EYS: variants seen among roughly 807,000 people sequenced by gnomAD.
EYS encodes protein eyes shut homolog.
A neutral mutation model predicts 282.1 loss-of-function variants in EYS; 250 were observed. The ratio of observed to expected loss-of-function variants is 0.89; its 90% CI spans 0.80 to 0.98. EYS has a LOEUF of 0.98. EYS is among the 50% of genes least tolerant of loss of function. The pLI, the probability that EYS is intolerant of heterozygous loss-of-function variation, is 0.00. For synonymous variants in EYS, 1,355 were observed against 1,282.9 expected, an observed-to-expected ratio of 1.06 and a Z score of -1.20; for missense variants, 4,016 against 3,709.0, an observed-to-expected ratio of 1.08 and a Z score of -2.15.
intron 13 of EYS, among the ~76,000 whole-genome samples, chr6:65,032,215 G>T (rs1190870082): frequency 6.6e-6 from 1 of 152,128 alleles, no homozygotes; most frequent in Non-Finnish European, 1.5e-5. Flanking sequence ...CTTGAACAGA[G>T]TAATAATAAT....
chr6:65,147,570 T>A (rs1255298442), intron 12 of EYS, among the ~76,000 whole-genome samples: 1 of 152,090 alleles, frequency 6.6e-6, no homozygotes, highest in Non-Finnish European at 1.5e-5. Flanking sequence ...CCTTTAATTC[T>A]AAATCTAATC....
chr6:65,112,342 A>G (rs936775977), intron 12 of EYS, among the ~76,000 whole-genome samples: 1 of 152,118 alleles, frequency 6.6e-6, no homozygotes, highest in African/African-American at 2.4e-5. Flanking sequence ...ACTTTCTCAA[A>G]TCTCATGGCT....
chr6:65,317,825 C>CTTT (rs1769342463), intron 11 of EYS, among the ~76,000 whole-genome samples: 5 of 81,288 alleles, frequency 6.2e-5, no homozygotes, highest in African/African-American at 1.0e-4. Context: ...TTCCTTCCTT[C>CTTT]CTTTCTTTCT....
At chr6:64,179,727 C>T (rs1364231796) in intron 31 of EYS, among the ~76,000 whole-genome samples, 1 of 152,054 alleles carries the variant, frequency 6.6e-6, no homozygotes, top group African/African-American at 2.4e-5. Context: ...TTCCTATACA[C>T]TTCATTTACA....
intron 33 of EYS, among the ~76,000 whole-genome samples, chr6:64,010,485 C>T (rs906411314): frequency 2.6e-5 from 4 of 151,834 alleles, no homozygotes; most frequent in Non-Finnish European, 5.9e-5. Context: ...TTCATTTATG[C>T]TTTCTAGTGT....
At chr6:64,719,347 A>T (rs1193305955) in intron 22 of EYS, among the ~76,000 whole-genome samples, 1 of 152,166 alleles carries the variant, frequency 6.6e-6, no homozygotes, top group East Asian at 1.9e-4. Context: ...TGGGTAATTT[A>T]TTATGGGAAC....
intron 26 of EYS, among the ~76,000 whole-genome samples, chr6:64,506,789 G>A (rs1351516355): frequency 6.6e-6 from 1 of 151,584 alleles, no homozygotes; most frequent in African/African-American, 2.4e-5. Context: ...AGCGGCTGTA[G>A]TCCCAGCTAC....
intron 5 of EYS, among the ~76,000 whole-genome samples, chr6:65,414,733 A>G (rs927065174): frequency 6.6e-6 from 1 of 152,108 alleles, no homozygotes; most frequent in Non-Finnish European, 1.5e-5. Flanking sequence ...TAGGCAGTTA[A>G]TTAGAGTGAT....
chr6:64,384,067 C>A (rs757462082), intron 29 of EYS, among the ~76,000 whole-genome samples: 1 of 152,104 alleles, frequency 6.6e-6, no homozygotes, highest in Non-Finnish European at 1.5e-5. Flanking sequence ...TAAAGAGAAT[C>A]CTGTTTTTAT....
Position 65,447,443 on chromosome 6 carries a change from AT to A in EYS, c.863-42077del, listed in dbSNP as rs199530750. ...TGTACTGAGTCATAAATCTTTCATA[AT>A]TTTTTTAGTGTATATGTGTGATATT... is the stretch of plus-strand genomic sequence containing the variant. On this transcript the variant is annotated intron_variant, in intron 5 of 42. Transcript: ENST00000503581. Among the ~76,000 whole-genome samples, 234 of 149,644 alleles carry A rather than the reference AT, an allele frequency of 1.6e-3. 1 individual carries two copies. The East Asian group carries it at 0.026, about 17-fold the overall frequency.
At chr6:64,208,969 C>A (rs1765687715) in intron 31 of EYS, among the ~76,000 whole-genome samples, 1 of 151,892 alleles carries the variant, frequency 6.6e-6, no homozygotes, top group African/African-American at 2.4e-5. Context: ...AATGACTAGG[C>A]CTCTTCAGAG....
intron 41 of EYS, among the ~76,000 whole-genome samples, chr6:63,743,332 AGATT>A (rs1354765496): frequency 6.6e-6 from 1 of 152,184 alleles, no homozygotes; most frequent in African/African-American, 2.4e-5. Flanking sequence ...ACTTAGGGTA[AGATT>A]TTCCAGGAAG....
intron 24 of EYS, among the ~76,000 whole-genome samples, chr6:64,602,898 C>T (rs1766806317): frequency 6.6e-6 from 1 of 152,136 alleles, no homozygotes; most frequent in African/African-American, 2.4e-5. Context: ...TGTCAGGTAG[C>T]TCCTAGGCTT....
intron 1 of EYS, among the ~76,000 whole-genome samples, chr6:65,654,904 A>C (rs1448279574): frequency 1.3e-5 from 2 of 150,752 alleles, no homozygotes; most frequent in Non-Finnish European, 3.0e-5. Context: ...AAAACAGGTA[A>C]GTCAAAGTTT....
chr6:65,259,338 AAAAC>A, intron 12 of EYS, among the ~76,000 whole-genome samples: 1 of 152,190 alleles, frequency 6.6e-6, no homozygotes, highest in East Asian at 1.9e-4. Flanking sequence ...GGTAGGGAAA[AAAAC>A]TGCTTCAGAG....
At chr6:65,670,934 T>C (rs1187059811) in intron 1 of EYS, among the ~76,000 whole-genome samples, 2 of 152,038 alleles carry the variant, frequency 1.3e-5, no homozygotes, top group Non-Finnish European at 2.9e-5. Flanking sequence ...CGAGACACAT[T>C]TAACAACCCA....
chr6:64,216,146 G>T (rs541414089), intron 31 of EYS, among the ~76,000 whole-genome samples: 1 of 152,222 alleles, frequency 6.6e-6, no homozygotes, highest in Admixed American at 6.5e-5. Context: ...TTTTGAAAAA[G>T]AATTAAGCAC....
chr6:64,500,344 C>T (rs1776999670), intron 26 of EYS, among the ~76,000 whole-genome samples: 6 of 152,008 alleles, frequency 3.9e-5, no homozygotes, highest in South Asian at 2.1e-4. Flanking sequence ...AATTTTCCTG[C>T]TTCATGGTAC....
intron 31 of EYS, among the ~76,000 whole-genome samples, chr6:64,086,761 T>C (rs1329290905): frequency 6.6e-6 from 1 of 152,162 alleles, no homozygotes; most frequent in Non-Finnish European, 1.5e-5. Context: ...ATAATTTGGA[T>C]GAAGGCAGTG....
Sources: gnomAD v4.1 joint callset for allele counts (sites outside exome capture counted in the v4.1 genomes callset) on GRCh38, gnomAD v4.1.1 for gene constraint, MANE v1.5 for transcripts, NCBI Gene and HGNC (gene_info 2026-07-23, HGNC 2026-07-21) for gene names.